CATSPERG: variants seen among roughly 807,000 people sequenced by gnomAD.
CATSPERG encodes the protein cation channel sperm-associated auxiliary subunit gamma.
Under a neutral mutation model 145.0 loss-of-function variants are expected in CATSPERG, and 115 were observed. The observed-to-expected ratio is 0.79, with a 90% CI of 0.68 to 0.93. The LOEUF (loss-of-function observed/expected upper bound fraction) is 0.93. Among genes scored for constraint, CATSPERG ranks in the 40% least tolerant of loss-of-function variants. The probability of loss-of-function intolerance (pLI) is 0.00; values close to 1 mark genes in which losing one functional copy is unlikely to be tolerated. For missense variants in CATSPERG, 1,296 were observed against 1,490.1 expected (o/e 0.87, Z 2.14); for synonymous variants, 588 against 589.0 (o/e 1.00, Z 0.02).
At chr19:38,344,464 C>A in intron 6 of CATSPERG, 96 bp downstream of exon 6, 3 of 1,048,986 alleles carry the variant, frequency 2.9e-6, no homozygotes, top group Non-Finnish European at 4.3e-6. Context: ...ATTTAGGGAG[C>A]ACCAACTTCA....
intron 16 of CATSPERG, among the ~76,000 whole-genome samples, chr19:38,361,194 T>C (rs554296244): frequency 2.5e-4 from 38 of 151,850 alleles, no homozygotes; most frequent in Non-Finnish European, 4.7e-4. Flanking sequence ...GGGGAGAAAC[T>C]TGGGCTTCAT....
At chr19:38,346,953 A>G (rs1044193931) in intron 7 of CATSPERG, among the ~76,000 whole-genome samples, 1 of 152,160 alleles carries the variant, frequency 6.6e-6, no homozygotes, top group Non-Finnish European at 1.5e-5. Context: ...GCTCATGCCT[A>G]TAATCCCAGC....
intron 7 of CATSPERG, among the ~76,000 whole-genome samples, chr19:38,348,338 G>T (rs562181705): frequency 6.6e-6 from 1 of 151,134 alleles, no homozygotes; most frequent in African/African-American, 2.4e-5. Flanking sequence ...TTAAAAAATT[G>T]TTTGTAGAGA....
At chr19:38,355,944 C>T (rs917806231) in intron 9 of CATSPERG, among the ~76,000 whole-genome samples, 19 of 152,066 alleles carry the variant, frequency 1.2e-4, no homozygotes, top group African/African-American at 4.3e-4. Context: ...TCTCTGATCT[C>T]GTTTTCTTCA....
At chr19:38,352,170 C>A in intron 7 of CATSPERG, 91 bp from the exon 8 acceptor site, 2 of 1,301,698 alleles carry the variant, frequency 1.5e-6, no homozygotes, top group Non-Finnish European at 1.1e-6. Flanking sequence ...CCCTCCCAAG[C>A]AGCTGTCAGA....
intron 26 of CATSPERG, 59 bp from the exon 27 acceptor site, chr19:38,369,912 TG>T: frequency 6.6e-7 from 1 of 1,515,028 alleles, no homozygotes; most frequent in Non-Finnish European, 9.2e-7. Context: ...AGGAAGAAAT[TG>T]GGAGTTGGCA....
chr19:38,369,013 A>G (rs984865308), intron 26 of CATSPERG, among the ~76,000 whole-genome samples: 3 of 152,000 alleles, frequency 2.0e-5, no homozygotes, highest in Non-Finnish European at 4.4e-5. Flanking sequence ...CATGTTGGCC[A>G]GGCTGGTTAA....
intron 8 of CATSPERG, among the ~76,000 whole-genome samples, chr19:38,352,883 A>C (rs1970169693): frequency 1.3e-5 from 2 of 151,584 alleles, no homozygotes; most frequent in Admixed American, 1.3e-4. Flanking sequence ...GAAAAAAGAG[A>C]GTCTAGGCAC....
chr19:38,368,032 A>G lies in CATSPERG; in HGVS notation c.2931-16A>G, dbSNP rs766951522. 5 of 1,612,282 alleles carry G rather than the reference A, an allele frequency of 3.1e-6. No homozygotes were observed. The Admixed American group carries it at 5.0e-5, about 16-fold the overall frequency. ...CGCCCCCCAACCCCTGGCTGAGATG[A>G]CCTGGGCCTGCACAGGACCAACAGC... On this transcript the variant is annotated splice_polypyrimidine_tract_variant and intron_variant, in intron 25 of 28. Coordinates refer to ENST00000409235, the MANE Select transcript of CATSPERG (RefSeq NM_021185.5).
chr19:38,352,690 T>A (rs1163129347), intron 8 of CATSPERG, among the ~76,000 whole-genome samples: 5 of 120,370 alleles, frequency 4.2e-5, no homozygotes, highest in African/African-American at 6.6e-5. Flanking sequence ...GGTGCGAGAG[T>A]AAAGGGAGGT....
At chr19:38,361,918 T>C (rs1970353763) in intron 17 of CATSPERG, 57 bp downstream of exon 17, 1 of 1,243,514 alleles carries the variant, frequency 8.0e-7, no homozygotes, top group South Asian at 1.3e-5. Context: ...AGCCGGGAGC[T>C]GGCTTAGAGG....
At chr19:38,369,151 CTCAG>C (rs1310107493) in intron 26 of CATSPERG, among the ~76,000 whole-genome samples, 1 of 152,000 alleles carries the variant, frequency 6.6e-6, no homozygotes, top group Non-Finnish European at 1.5e-5. Flanking sequence ...TATATAGGGG[CTCAG>C]TAAGTTTCAT....
At chr19:38,362,311 C>G (rs966882252) in intron 18 of CATSPERG, 39 bp downstream of exon 18, 12 of 1,613,192 alleles carry the variant, frequency 7.4e-6, no homozygotes, top group African/African-American at 1.3e-5. Context: ...AGGGGCGGCG[C>G]CCGGACACCC....
intron 9 of CATSPERG, 32 bp downstream of exon 9, chr19:38,354,879 A>C (rs1408726939): frequency 6.9e-6 from 11 of 1,596,092 alleles, no homozygotes; most frequent in Non-Finnish European, 9.4e-6. Flanking sequence ...AGCCCCAGGG[A>C]CCCCTCCATA....
intron 1 of CATSPERG, chr19:38,336,951 CCAGGAGCAAGAG>C (rs1019324260): frequency 5.6e-5 from 30 of 538,226 alleles, no homozygotes; most frequent in Non-Finnish European, 6.0e-5. Flanking sequence ...GGGGGCAGGG[CCAGGAGCAAGAG>C]CAGGGGCGGG....
chr19:38,350,180 T>C (rs1349867657), intron 7 of CATSPERG, among the ~76,000 whole-genome samples: 1 of 152,128 alleles, frequency 6.6e-6, no homozygotes, highest in Non-Finnish European at 1.5e-5. Context: ...TACATCCAAC[T>C]GCAAGGGACA....
At chr19:38,346,777 G>A in intron 7 of CATSPERG, 172 bp downstream of exon 7, 2 of 640,802 alleles carry the variant, frequency 3.1e-6, no homozygotes, top group Non-Finnish European at 2.4e-6. Context: ...GAGGGCCTAG[G>A]TTCAAACCCT....
At chr19:38,365,152 G>A in intron 22 of CATSPERG, 35 bp downstream of exon 22, 1 of 1,597,018 alleles carries the variant, frequency 6.3e-7, no homozygotes, top group African/African-American at 1.3e-5. Flanking sequence ...CCTGGGAGGG[G>A]AAGGTTGGGG....
intron 7 of CATSPERG, among the ~76,000 whole-genome samples, chr19:38,350,708 G>A (rs1003119120): frequency 6.6e-6 from 1 of 152,174 alleles, no homozygotes; most frequent in Non-Finnish European, 1.5e-5. Flanking sequence ...AGTCCTGTTG[G>A]CTGGGTGTGG....
Sources: allele counts gnomAD v4.1 joint callset (sites outside exome capture counted in the v4.1 genomes callset), GRCh38; gene constraint gnomAD v4.1.1; transcripts MANE v1.5; gene names NCBI Gene and HGNC (gene_info 2026-07-23, HGNC 2026-07-21).